Variants in CD163L1 observed in about 807,000 individuals in gnomAD.
The protein encoded by CD163L1 is scavenger receptor cysteine-rich type 1 protein M160.
A neutral mutation model predicts 165.4 loss-of-function variants in CD163L1; 124 were observed. The ratio of observed to expected loss-of-function variants is 0.75; its 90% CI spans 0.65 to 0.87. The LOEUF (loss-of-function observed/expected upper bound fraction) is 0.87. CD163L1 is among the 40% of genes least tolerant of loss of function. The pLI, the probability that CD163L1 is intolerant of heterozygous loss-of-function variation, is 0.00. For missense variants in CD163L1, 1,525 were observed against 1,799.9 expected (o/e 0.85, Z 2.76); for synonymous variants, 585 against 662.2 (o/e 0.88, Z 1.79).
chr12:7,437,413 G>A (rs1327715931), intron 2 of CD163L1, among the ~76,000 whole-genome samples: 1 of 150,990 alleles, frequency 6.6e-6, no homozygotes, highest in African/African-American at 2.4e-5. Flanking sequence ...GTATACATGT[G>A]CCGTGTTGGT....
chr12:7,329,943 G>A, the CD163L1 span, among the ~76,000 whole-genome samples: 7 of 152,102 alleles, frequency 4.6e-5, no homozygotes, highest in African/African-American at 7.2e-5. Context: ...TCAGTTCCAC[G>A]GAGCTGTATG....
At position 7,378,225 on chromosome 12, in the gene CD163L1, CT is replaced by C. The variant is rs140661127; in HGVS notation, c.2371+752del. Among the ~76,000 whole-genome samples the C allele has an allele frequency of 5.0e-3, 754 of 152,246 alleles. 9 individuals are homozygous for C. The highest frequency in any genetic ancestry group is 0.017 in the African/African-American group (714 of 41,544). On this transcript the variant is annotated intron_variant, in intron 9 of 19. Transcript: ENST00000313599. ...ACTAAATATTTCTGAAATTTGGAAG[CT>C]TTTCACCAGCTCCACAGTGAGCATC...
At chr12:7,326,997 T>A in the CD163L1 span, 1 of 1,608,974 alleles carries the variant, frequency 6.2e-7, no homozygotes, top group Non-Finnish European at 8.5e-7. Context: ...TTTTGTTGTC[T>A]TAGCTGCACC....
At chr12:7,439,919 ACTC>A in intron 2 of CD163L1, 3 of 1,598,588 alleles carry the variant, frequency 1.9e-6, no homozygotes, top group Non-Finnish European at 2.6e-6. Context: ...ACTTCGGCCA[ACTC>A]CTCAGTGCTG....
intron 8 of CD163L1, among the ~76,000 whole-genome samples, chr12:7,395,176 AAAGACTTG>A (rs1417626551): frequency 6.6e-6 from 1 of 152,210 alleles, no homozygotes; most frequent in African/African-American, 2.4e-5. Context: ...TCACAATAGC[AAAGACTTG>A]GAACCAACCC....
chr12:7,375,961 CA>C lies in CD163L1; in HGVS notation c.2424del (p.Glu809LysfsTer2). ...VGADMPCSGRVEVKHADTWRS... is the reference protein window; with the variant it reads ...VGADMPCSGRXEVKHADTWRS... ...CGCCATGTGTCTGCATGTTTCACTT[CA>C]ACACGTCCAGAGCAGGGCATATCAG... is the stretch of plus-strand genomic sequence containing the variant. On this transcript the variant is annotated frameshift_variant, in exon 10 of 20. Coordinates refer to ENST00000313599, the MANE Select transcript of CD163L1 (RefSeq NM_174941.6). LOFTEE classifies it high-confidence loss of function. 6.2e-7 allele frequency: 1 copy of C among 1,614,228 alleles called. No individual in the cohort carries two copies. Among genetic ancestry groups the C allele is most frequent in the Non-Finnish European group, 8.5e-7 (1 of 1,180,032 alleles).
chr12:7,372,006 T>A lies in CD163L1; in HGVS notation c.3730+1314A>T, dbSNP rs1947156626. The stretch of plus-strand genomic sequence containing the variant: ...CCATGATTTCTGGGTTTTTTTCAAA[T>A]TTTTTGTTTGGGGAATGATATTATT... On this transcript the variant is annotated intron_variant, in intron 14 of 19. Coordinates refer to ENST00000313599, the MANE Select transcript of CD163L1 (RefSeq NM_174941.6). This position sits in a 1 kb window ranked among gnomAD's most constrained non-coding sequence, Gnocchi z 4.2. 6.6e-6 allele frequency among the ~76,000 whole-genome samples: 1 copy of A among 152,016 alleles called. No individual in the cohort carries two copies.
the CD163L1 span, chr12:7,324,130 T>C: frequency 1.0e-6 from 1 of 986,118 alleles, no homozygotes; most frequent in Non-Finnish European, 1.4e-6. Context: ...GGCTCCAGTC[T>C]AGGCAACAGA....
At chr12:7,416,947 C>T (rs886192530) in intron 4 of CD163L1, among the ~76,000 whole-genome samples, 2 of 152,080 alleles carry the variant, frequency 1.3e-5, no homozygotes, top group Non-Finnish European at 2.9e-5. Context: ...TTTTCTAGTA[C>T]TGTGAAGAAA....
intron 18 of CD163L1, among the ~76,000 whole-genome samples, chr12:7,362,294 T>C (rs2136388781): frequency 7.1e-6 from 1 of 140,724 alleles, no homozygotes; most frequent in African/African-American, 2.6e-5. Flanking sequence ...GATTATATAG[T>C]AATTATACTA....
intron 19 of CD163L1, 84 bp from the exon 20 acceptor site, chr12:7,355,214 T>C (rs1565766717): frequency 6.6e-6 from 1 of 152,062 alleles, no homozygotes; most frequent in Non-Finnish European, 1.5e-5. Context: ...TTAAGACACG[T>C]GTGTGTGTGC....
chr12:7,380,372 TACATGTATGTGTGTATATGCGTATACAC>T (rs59536745), intron 8 of CD163L1, among the ~76,000 whole-genome samples: 3,508 of 144,960 alleles, frequency 0.024, 54 homozygotes, highest in South Asian at 0.066. Flanking sequence ...CGCGTATACA[TACATGTATGTGTGTATATGCGTATACAC>T]ACATGTATGT....
intron 4 of CD163L1, among the ~76,000 whole-genome samples, chr12:7,349,490 A>G (rs1247866284): frequency 6.6e-6 from 1 of 152,204 alleles, no homozygotes; most frequent in East Asian, 1.9e-4. Context: ...GTAATGGTCA[A>G]TGGTTAAGCA....
chr12:7,438,842 G>A (rs1948774705), intron 2 of CD163L1: 8 of 1,563,666 alleles, frequency 5.1e-6, no homozygotes, highest in South Asian at 1.1e-5. Context: ...GCCCTTTGGC[G>A]TTTGGACAGA....
chr12:7,322,617 G>A, the CD163L1 span: 8 of 1,514,302 alleles, frequency 5.3e-6, no homozygotes, highest in Non-Finnish European at 7.1e-6. Context: ...AGCCCCTGAA[G>A]TGCCCCCATC....
At chr12:7,377,318 T>C (rs984479840) in intron 9 of CD163L1, among the ~76,000 whole-genome samples, 1 of 152,200 alleles carries the variant, frequency 6.6e-6, no homozygotes, top group Admixed American at 6.5e-5. Context: ...CACTCTGGAT[T>C]CTATTTTCTA....
chr12:7,330,827 C>T, the CD163L1 span, among the ~76,000 whole-genome samples: 1 of 152,108 alleles, frequency 6.6e-6, no homozygotes. Context: ...CCTTTTAGAA[C>T]TAAGACTCGA....
chr12:7,322,065 C>A, the CD163L1 span, among the ~76,000 whole-genome samples: 2 of 152,178 alleles, frequency 1.3e-5, no homozygotes, highest in South Asian at 2.1e-4. Flanking sequence ...AAAGCCCTTA[C>A]AACATAGCGA....
At chr12:7,411,404 T>C (rs1565803380) in intron 4 of CD163L1, among the ~76,000 whole-genome samples, 1 of 152,086 alleles carries the variant, frequency 6.6e-6, no homozygotes, top group Admixed American at 6.5e-5. Flanking sequence ...GATTCCCCAG[T>C]ATTCAAGGTG....
Sources: allele counts gnomAD v4.1 joint callset (sites outside exome capture counted in the v4.1 genomes callset), GRCh38; gene constraint gnomAD v4.1.1; non-coding constraint Gnocchi (gnomAD v3.1); transcripts MANE v1.5; gene names NCBI Gene and HGNC (gene_info 2026-07-23, HGNC 2026-07-21).